The following PYY variants were observed in gnomAD, a reference collection of about 807,000 sequenced individuals.
The protein encoded by PYY is peptide tyrosine tyrosine.
A neutral mutation model predicts 10.3 loss-of-function variants in PYY; 12 were observed. That is an observed-to-expected ratio of 1.17 (90% CI 0.75 to 1.89). PYY has a LOEUF of 1.89. PYY is among the 40% of genes most tolerant of loss of function. The pLI is 0.00. For synonymous variants in PYY, 66 were observed against 62.0 expected, an observed-to-expected ratio of 1.06 and a Z score of -0.30; for missense variants, 141 against 134.0, an observed-to-expected ratio of 1.05 and a Z score of -0.26.
chr17:43,962,614 C>T (rs2048720043), intron 2 of PYY, among the ~76,000 whole-genome samples: 1 of 152,208 alleles, frequency 6.6e-6, no homozygotes, highest in African/African-American at 2.4e-5. Flanking sequence ...AATTTGCCTG[C>T]ATCACGTTGG....
Position 43,953,197 on chromosome 17 carries a change from C to A in PYY, c.189-8G>T. 6.3e-7 allele frequency: 1 copy of A among 1,598,244 alleles called. No individual in the cohort carries two copies. Among genetic ancestry groups the A allele is most frequent in the South Asian group, 1.1e-5 (1 of 90,566 alleles). On this transcript the variant is annotated splice_polypyrimidine_tract_variant and splice_region_variant and intron_variant, in intron 2 of 3. Coordinates refer to ENST00000692052, the MANE Select transcript of PYY (RefSeq NM_001394028.1). ...CCGTCTCTTTTCCCATACCTGGGGGCGGGGAAGGGAAGAGCGTGGTCAGAT... is the reference window on the plus strand; with the variant it reads ...CCGTCTCTTTTCCCATACCTGGGGGAGGGGAAGGGAAGAGCGTGGTCAGAT...
At chr17:43,998,554 T>A (rs1272613480) in intron 1 of PYY, among the ~76,000 whole-genome samples, 1 of 151,664 alleles carries the variant, frequency 6.6e-6, no homozygotes, top group Non-Finnish European at 1.5e-5. Flanking sequence ...TGAGACTCTG[T>A]CTCAAAAAGA....
In PYY at chr17:43,953,349, C is replaced by T. The variant is rs2048647142; in HGVS notation, c.135G>A (p.Leu45=). The change falls in exon 2 of 4, where the codon CTG becomes CTA. Residue 45 remains leucine, a synonymous_variant. Transcript: ENST00000692052. ...GGCGCAGGGAGGCGTAGTAGCGGTTCAGCTCCTCCGGCGAGGCGTCTTCGC... is the reference window on the plus strand; with the variant it reads ...GGCGCAGGGAGGCGTAGTAGCGGTTTAGCTCCTCCGGCGAGGCGTCTTCGC... ...APREDASPEE[L]NRYYASLRHY... 9 of 1,612,502 alleles carry T rather than the reference C, an allele frequency of 5.6e-6. No homozygotes were observed. The highest frequency in any genetic ancestry group is 7.6e-6 in the Non-Finnish European group (9 of 1,179,496).
At chr17:43,953,011 T>A (rs374425710) in intron 3 of PYY, 31 bp from the exon 4 acceptor site, 56 of 1,583,052 alleles carry the variant, frequency 3.5e-5, no homozygotes, top group Non-Finnish European at 4.3e-5. Flanking sequence ...GAATTGGATC[T>A]GGGGAGGCGA....
intron 2 of PYY, among the ~76,000 whole-genome samples, chr17:43,965,639 G>A (rs2048749580): frequency 6.6e-6 from 1 of 150,658 alleles, no homozygotes; most frequent in African/African-American, 2.4e-5. Context: ...AAAATACAAA[G>A]TTGCCAGGCA....
intron 1 of PYY, among the ~76,000 whole-genome samples, chr17:43,982,468 C>A (rs1436314898): frequency 6.6e-6 from 1 of 152,248 alleles, no homozygotes; most frequent in African/African-American, 2.4e-5. Context: ...GTGAACCATG[C>A]CCCTAGATGT....
chr17:43,953,269 G>A (rs1421763076), intron 2 of PYY, 27 bp downstream of exon 2: 8 of 1,608,232 alleles, frequency 5.0e-6, no homozygotes, highest in Non-Finnish European at 6.8e-6. Context: ...GAGAGCCCCA[G>A]GGGTCCCGCT....
intron 1 of PYY, among the ~76,000 whole-genome samples, chr17:43,968,628 G>C (rs902863792): frequency 2.0e-5 from 3 of 151,902 alleles, no homozygotes; most frequent in Non-Finnish European, 4.4e-5. Flanking sequence ...CCTGGCCAAT[G>C]TGGTGAAACT....
At chr17:43,981,747 G>A (rs534746874) in intron 1 of PYY, among the ~76,000 whole-genome samples, 25 of 152,148 alleles carry the variant, frequency 1.6e-4, no homozygotes, top group African/African-American at 5.8e-4. Context: ...CTCGGCCTCC[G>A]AAAGTGCTGG....
chr17:44,003,145 C>T (rs1380203118), intron 1 of PYY, among the ~76,000 whole-genome samples: 2 of 152,138 alleles, frequency 1.3e-5, no homozygotes, highest in Non-Finnish European at 2.9e-5. Context: ...TCAAGTGATT[C>T]TCTGGCCTCC....
intron 1 of PYY, among the ~76,000 whole-genome samples, chr17:43,981,723 C>T (rs562763393): frequency 5.9e-5 from 9 of 152,152 alleles, no homozygotes; most frequent in Admixed American, 2.6e-4. Context: ...CTCCTGACCT[C>T]GTGATCCGCC....
chr17:43,962,396 T>G (rs2048718149), intron 2 of PYY, among the ~76,000 whole-genome samples: 1 of 152,192 alleles, frequency 6.6e-6, no homozygotes, highest in Non-Finnish European at 1.5e-5. Flanking sequence ...ATGTATACAT[T>G]GTAAAATGAT....
chr17:43,974,951 G>C (rs1473130598), intron 1 of PYY, among the ~76,000 whole-genome samples: 3 of 152,158 alleles, frequency 2.0e-5, no homozygotes, highest in Admixed American at 2.0e-4. Context: ...AAAGGACAGA[G>C]CCCTGTGGTG....
Position 43,953,186 on chromosome 17 carries a change from A to G in PYY, c.192T>C (p.Tyr64=), listed in dbSNP as rs1486449124. 6.2e-7 allele frequency: 1 copy of G among 1,613,386 alleles called. No individual in the cohort carries two copies. Among genetic ancestry groups the G allele is most frequent in the African/African-American group, 1.3e-5 (1 of 74,852 alleles). ...HYLNLVTRQR[Y]GKRDGPDTLL... ...GCGTGTCCGGGCCGTCTCTTTTCCC[A>G]TACCTGGGGGCGGGGAAGGGAAGAG... The change falls in exon 3 of 4, where the codon TAT becomes TAC. Residue 64 remains tyrosine (Y), a synonymous_variant. Transcript: ENST00000692052.
At chr17:43,974,028 C>G (rs1203567602) in intron 1 of PYY, among the ~76,000 whole-genome samples, 1 of 152,098 alleles carries the variant, frequency 6.6e-6, no homozygotes, top group Admixed American at 6.6e-5. Context: ...TGTTGCTTCC[C>G]AGTCTGGTGG....
intron 1 of PYY, among the ~76,000 whole-genome samples, chr17:43,983,689 G>A (rs943896043): frequency 6.6e-6 from 1 of 152,190 alleles, no homozygotes; most frequent in Admixed American, 6.5e-5. Flanking sequence ...CGCTCCCCGG[G>A]GCCGGGTCTT....
At position 43,952,946 on chromosome 17, in the gene PYY, T is replaced by G. The variant is rs775250464; in HGVS notation, c.*10A>C. 1 of 1,545,328 alleles carries G rather than the reference T, an allele frequency of 6.5e-7. No individual in the cohort carries two copies. Among genetic ancestry groups the G allele is most frequent in the Admixed American group, 2.2e-5 (1 of 46,070 alleles). The stretch of plus-strand genomic sequence containing the variant: ...TGGTTGGCAGATCTCCCAGGAGGCC[T>G]CAGGGGTCCTCACCACAGGTCTGGG... On this transcript the variant is annotated 3_prime_UTR_variant, in exon 4 of 4. Transcript: ENST00000692052.
intron 1 of PYY, among the ~76,000 whole-genome samples, chr17:43,969,842 C>A (rs2048778378): frequency 6.6e-6 from 1 of 151,356 alleles, no homozygotes; most frequent in Non-Finnish European, 1.5e-5. Context: ...CTCCTGGGTT[C>A]AAGCAATTCT....
intron 2 of PYY, among the ~76,000 whole-genome samples, chr17:43,959,691 AAAAAAT>A (rs944516134): frequency 3.9e-5 from 6 of 152,278 alleles, no homozygotes; most frequent in Admixed American, 6.5e-5. Context: ...CAAAAAAGAA[AAAAAAT>A]AAAAATAAAA....
Sources: allele counts gnomAD v4.1 joint callset (sites outside exome capture counted in the v4.1 genomes callset), GRCh38; gene constraint gnomAD v4.1.1; transcripts MANE v1.5; gene names NCBI Gene and HGNC (gene_info 2026-07-23, HGNC 2026-07-21).